The following GRM1 variants were observed in gnomAD, a reference collection of about 807,000 sequenced individuals.
GRM1 encodes metabotropic glutamate receptor 1.
In GRM1, 33 loss-of-function variants were observed where a neutral mutation model predicts 90.9. That is an observed-to-expected ratio of 0.36 (90% confidence interval 0.28 to 0.49). GRM1 has a LOEUF of 0.49. GRM1 is among the 20% of genes least tolerant of loss of function. The pLI is 0.99. For synonymous variants in GRM1, 700 were observed against 613.2 expected, an observed-to-expected ratio of 1.14 and a Z score of -2.09; for missense variants, 1,190 against 1,534.3, an observed-to-expected ratio of 0.78 and a Z score of 3.75.
intron 3 of GRM1, among the ~76,000 whole-genome samples, chr6:146,318,105 C>G (rs1325937256): frequency 6.6e-6 from 1 of 152,170 alleles, no homozygotes; most frequent in African/African-American, 2.4e-5. Context: ...GACTCATCAA[C>G]CTGTCATCTA....
At chr6:146,260,594 C>T (rs773130662) in intron 2 of GRM1, among the ~76,000 whole-genome samples, 4 of 151,900 alleles carry the variant, frequency 2.6e-5, no homozygotes, top group South Asian at 2.1e-4. Context: ...CCACAGTGGT[C>T]GAACTAATTT....
chr6:146,075,765 C>T (rs1054085760), intron 1 of GRM1, among the ~76,000 whole-genome samples: 2 of 152,180 alleles, frequency 1.3e-5, no homozygotes, highest in Admixed American at 6.5e-5. Context: ...TCTGGTGGCT[C>T]CTGGCACTCA....
Position 146,270,373 on chromosome 6 carries a change from ACTT to A in GRM1, c.951-34232_951-34230del, listed in dbSNP as rs1342445980. On this transcript the variant is annotated intron_variant, in intron 2 of 7. Coordinates refer to ENST00000282753, the MANE Select transcript of GRM1 (RefSeq NM_001278064.2). ...CAATGTCTGTAAATCTTTTATTAAA[ACTT>A]CTTCTGCCTCAGACAGAAGAATCTT... Among the ~76,000 whole-genome samples, 21 of 152,332 alleles carry A rather than the reference ACTT, an allele frequency of 1.4e-4. No individual in the cohort carries two copies. The South Asian group carries it at 1.7e-3, about 12-fold the overall frequency.
intron 5 of GRM1, chr6:146,365,379 A>AT (rs1415561180): frequency 6.6e-6 from 1 of 152,204 alleles, no homozygotes; most frequent in Non-Finnish European, 1.5e-5. Context: ...ACTCAGACCT[A>AT]TATCTGTGCT....
intron 1 of GRM1, among the ~76,000 whole-genome samples, chr6:146,128,029 G>A (rs934534254): frequency 6.6e-6 from 1 of 152,084 alleles, no homozygotes; most frequent in Non-Finnish European, 1.5e-5. Flanking sequence ...AATGTGGCTG[G>A]AAGGTCTACA....
intron 2 of GRM1, among the ~76,000 whole-genome samples, chr6:146,188,160 C>T (rs1271579003): frequency 6.6e-6 from 1 of 152,056 alleles, no homozygotes; most frequent in African/African-American, 2.4e-5. Flanking sequence ...GTCACTGTAC[C>T]ACTGAGATGT....
chr6:146,063,989 G>A (rs1249230345), intron 1 of GRM1, among the ~76,000 whole-genome samples: 1 of 152,086 alleles, frequency 6.6e-6, no homozygotes, highest in African/African-American at 2.4e-5. Context: ...TATAACTTTT[G>A]ACTTTCTTCA....
At chr6:146,433,544 G>GTA (rs973590896) in intron 7 of GRM1, among the ~76,000 whole-genome samples, 3 of 151,856 alleles carry the variant, frequency 2.0e-5, no homozygotes, top group African/African-American at 7.3e-5. Flanking sequence ...GTGTGTGTGT[G>GTA]TGTGTGTGTG....
At chr6:146,366,365 T>G (rs1164493077) in intron 5 of GRM1, among the ~76,000 whole-genome samples, 1 of 152,226 alleles carries the variant, frequency 6.6e-6, no homozygotes, top group Non-Finnish European at 1.5e-5. Flanking sequence ...TGTTCTCTTC[T>G]AGCCATTTTA....
At chr6:146,215,552 A>G (rs960695413) in intron 2 of GRM1, among the ~76,000 whole-genome samples, 5 of 152,144 alleles carry the variant, frequency 3.3e-5, no homozygotes, top group African/African-American at 1.2e-4. Flanking sequence ...CTTAGGTCTT[A>G]TTAGAATAGT....
intron 5 of GRM1, among the ~76,000 whole-genome samples, chr6:146,383,897 CT>C (rs1407576202): frequency 6.6e-6 from 1 of 152,064 alleles, no homozygotes; most frequent in Non-Finnish European, 1.5e-5. Flanking sequence ...AACTAGAAAT[CT>C]TGACAAAATA....
intron 1 of GRM1, among the ~76,000 whole-genome samples, chr6:146,089,222 T>C (rs576850328): frequency 6.6e-6 from 1 of 152,244 alleles, no homozygotes; most frequent in Admixed American, 6.5e-5. Context: ...ACAGGTAAAC[T>C]TTGAGAGGTG....
At chr6:146,243,789 T>C (rs2114741083) in intron 2 of GRM1, among the ~76,000 whole-genome samples, 1 of 152,210 alleles carries the variant, frequency 6.6e-6, no homozygotes, top group Admixed American at 6.5e-5. Context: ...GGTGGGAATG[T>C]CCTCATCCTA....
At chr6:146,218,512 A>T (rs1272165637) in intron 2 of GRM1, among the ~76,000 whole-genome samples, 1 of 152,204 alleles carries the variant, frequency 6.6e-6, no homozygotes, top group Non-Finnish European at 1.5e-5. Context: ...GCAAAATCAT[A>T]AATGATACAT....
chr6:146,224,910 T>A (rs2114686384), intron 2 of GRM1, among the ~76,000 whole-genome samples: 1 of 152,246 alleles, frequency 6.6e-6, no homozygotes, highest in Non-Finnish European at 1.5e-5. Context: ...CTACTAGGAC[T>A]CAAAGCTGAC....
At chr6:146,252,800 A>G (rs1038635767) in intron 2 of GRM1, among the ~76,000 whole-genome samples, 1 of 151,892 alleles carries the variant, frequency 6.6e-6, no homozygotes, top group Non-Finnish European at 1.5e-5. Context: ...AGTGGCTCAC[A>G]TCTGTAATCC....
At chr6:146,193,923 T>G (rs1453112427) in intron 2 of GRM1, among the ~76,000 whole-genome samples, 1 of 151,628 alleles carries the variant, frequency 6.6e-6, no homozygotes, top group Non-Finnish European at 1.5e-5. Context: ...GACATGGACA[T>G]TCTTCATTTT....
At chr6:146,085,571 T>G (rs1776513532) in intron 1 of GRM1, among the ~76,000 whole-genome samples, 1 of 152,168 alleles carries the variant, frequency 6.6e-6, no homozygotes, top group African/African-American at 2.4e-5. Context: ...GTGACAAGCT[T>G]TAGAAGTTTT....
At chr6:146,223,689 C>T (rs1780146145) in intron 2 of GRM1, among the ~76,000 whole-genome samples, 1 of 151,952 alleles carries the variant, frequency 6.6e-6, no homozygotes, top group Non-Finnish European at 1.5e-5. Flanking sequence ...GCCTTGGCAC[C>T]ACCTCTTTAG....
Sources: allele counts gnomAD v4.1 joint callset (sites outside exome capture counted in the v4.1 genomes callset), GRCh38; gene constraint gnomAD v4.1.1; transcripts MANE v1.5; gene names NCBI Gene and HGNC (gene_info 2026-07-23, HGNC 2026-07-21).